LRP1B: variants seen among roughly 807,000 people sequenced by gnomAD.
The protein encoded by LRP1B is low-density lipoprotein receptor-related protein 1B.
Under a neutral mutation model 556.6 loss-of-function variants are expected in LRP1B, and 217 were observed. The observed-to-expected ratio is 0.39, with a 90% CI of 0.35 to 0.44. The LOEUF (loss-of-function observed/expected upper bound fraction) is 0.44, where lower values mean the gene tolerates loss of function less well. Among genes scored for constraint, LRP1B ranks in the 20% least tolerant of loss-of-function variants. The pLI is 1.00. For synonymous variants in LRP1B, 2,047 were observed against 1,865.8 expected (o/e 1.10, Z -2.50); for missense variants, 5,053 against 5,620.8 (o/e 0.90, Z 3.23).
At chr2:140,676,353 T>C (rs1047384779) in intron 41 of LRP1B, among the ~76,000 whole-genome samples, 5 of 152,196 alleles carry the variant, frequency 3.3e-5, no homozygotes, top group African/African-American at 1.2e-4. Context: ...AACCACATGA[T>C]TTAAAAATAA....
intron 3 of LRP1B, among the ~76,000 whole-genome samples, chr2:141,456,312 T>C (rs1245128224): frequency 6.6e-6 from 1 of 152,252 alleles, no homozygotes; most frequent in Non-Finnish European, 1.5e-5. Context: ...TGTAAAAATG[T>C]CCTGCCTTGA....
chr2:141,800,438 T>C (rs1371836097), intron 2 of LRP1B, among the ~76,000 whole-genome samples: 1 of 152,226 alleles, frequency 6.6e-6, no homozygotes, highest in Non-Finnish European at 1.5e-5. Context: ...AATCTCCTAT[T>C]GCATCTTCAT....
At chr2:140,318,543 A>G (rs1484743161) in intron 82 of LRP1B, among the ~76,000 whole-genome samples, 1 of 152,160 alleles carries the variant, frequency 6.6e-6, no homozygotes, top group Non-Finnish European at 1.5e-5. Context: ...CCTCAAAGTG[A>G]CATATTGATT....
intron 3 of LRP1B, among the ~76,000 whole-genome samples, chr2:141,473,376 G>T (rs112429168): frequency 1.3e-5 from 2 of 152,040 alleles, no homozygotes. Flanking sequence ...AGTGGTATAG[G>T]TCTTTCAAAA....
At chr2:141,526,467 A>G (rs1684696816) in intron 2 of LRP1B, among the ~76,000 whole-genome samples, 1 of 151,866 alleles carries the variant, frequency 6.6e-6, no homozygotes, top group South Asian at 2.1e-4. Flanking sequence ...AATATTAATT[A>G]CTCTTTGATT....
chr2:142,091,926 T>C (rs1294099449), intron 1 of LRP1B, among the ~76,000 whole-genome samples: 2 of 152,150 alleles, frequency 1.3e-5, no homozygotes, highest in African/African-American at 2.4e-5. Context: ...CCCTAGACAA[T>C]TTCCTTCTGG....
In LRP1B at chr2:140,285,814, G is replaced by A. The variant is rs148353847; in HGVS notation, c.12968-11216C>T. On this transcript the variant is annotated intron_variant, in intron 84 of 90. Coordinates refer to ENST00000389484, the MANE Select transcript of LRP1B (RefSeq NM_018557.3). ...TTTTTAAAAATCATCCTCATAAATT[G>A]TTCTGCCCTTAAGGAGAAGGGATTC... is the stretch of plus-strand genomic sequence containing the variant. 3.0e-4 allele frequency among the ~76,000 whole-genome samples: 43 copies of A among 144,954 alleles called. No homozygotes were observed. The East Asian group carries it at 8.6e-3, about 29-fold the overall frequency.
At chr2:140,873,366 C>A (rs960510216) in intron 25 of LRP1B, among the ~76,000 whole-genome samples, 1 of 151,992 alleles carries the variant, frequency 6.6e-6, no homozygotes, top group Admixed American at 6.6e-5. Flanking sequence ...TCTAATCTTG[C>A]GGCTTTAGGC....
At chr2:141,260,721 A>C (rs1162893791) in intron 3 of LRP1B, among the ~76,000 whole-genome samples, 1 of 152,208 alleles carries the variant, frequency 6.6e-6, no homozygotes, top group Non-Finnish European at 1.5e-5. Flanking sequence ...GACAGTGAGA[A>C]CATGGCTGAG....
At chr2:140,512,305 T>C (rs1463615) in intron 51 of LRP1B, among the ~76,000 whole-genome samples, 111,864 of 152,006 alleles carry the variant, frequency 0.74, 41,842 homozygotes, top group Middle Eastern at 0.83. Context: ...AGATTTTGTG[T>C]TAAGAACATG....
chr2:140,456,066 T>C (rs930030732), intron 62 of LRP1B, among the ~76,000 whole-genome samples: 18 of 152,130 alleles, frequency 1.2e-4, no homozygotes, highest in Admixed American at 6.5e-4. Context: ...AGAGACTTAC[T>C]CTCTATTGAA....
chr2:141,554,083 CAT>C (rs934947991), intron 2 of LRP1B, among the ~76,000 whole-genome samples: 12 of 135,508 alleles, frequency 8.9e-5, no homozygotes, highest in African/African-American at 3.3e-4. Context: ...TATGAATAGA[CAT>C]ATAGATTATA....
At chr2:141,033,417 G>T (rs1345074151) in intron 11 of LRP1B, among the ~76,000 whole-genome samples, 1 of 151,996 alleles carries the variant, frequency 6.6e-6, no homozygotes, top group Non-Finnish European at 1.5e-5. Flanking sequence ...TACTCAGGCT[G>T]TTGTGCTGAG....
chr2:141,290,011 A>G (rs1234055150), intron 3 of LRP1B, among the ~76,000 whole-genome samples: 2 of 152,170 alleles, frequency 1.3e-5, no homozygotes, highest in Non-Finnish European at 2.9e-5. Context: ...GGCTCAGTCA[A>G]TTTATAAATT....
At chr2:141,847,135 A>G (rs1366967948) in intron 1 of LRP1B, among the ~76,000 whole-genome samples, 1 of 151,604 alleles carries the variant, frequency 6.6e-6, no homozygotes, top group Non-Finnish European at 1.5e-5. Flanking sequence ...CTAATAAGAG[A>G]ACTCAGCAAG....
chr2:140,365,446 T>A (rs997069871), intron 71 of LRP1B, among the ~76,000 whole-genome samples: 1 of 151,728 alleles, frequency 6.6e-6, no homozygotes, highest in African/African-American at 2.4e-5. Context: ...CATATAAAAT[T>A]CTTAAGTACA....
chr2:140,508,583 C>T (rs1222909208), intron 52 of LRP1B, among the ~76,000 whole-genome samples: 2 of 152,116 alleles, frequency 1.3e-5, no homozygotes, highest in Non-Finnish European at 2.9e-5. Context: ...GAACAATTGC[C>T]TGTTGTAATC....
chr2:140,302,452 T>C (rs558263474), intron 83 of LRP1B, among the ~76,000 whole-genome samples: 1 of 152,316 alleles, frequency 6.6e-6, no homozygotes, highest in South Asian at 2.1e-4. Context: ...CTACTTCATA[T>C]TCAAGTTGCA....
intron 2 of LRP1B, among the ~76,000 whole-genome samples, chr2:141,509,813 T>C (rs1684057963): frequency 6.6e-6 from 1 of 152,158 alleles, no homozygotes; most frequent in Non-Finnish European, 1.5e-5. Context: ...ATAGGAAAAT[T>C]ATCCATAAGT....
Sources: allele counts gnomAD v4.1 joint callset (sites outside exome capture counted in the v4.1 genomes callset), GRCh38; gene constraint gnomAD v4.1.1; transcripts MANE v1.5; gene names NCBI Gene and HGNC (gene_info 2026-07-23, HGNC 2026-07-21).